KIAA0319L: variants seen among roughly 807,000 people sequenced by gnomAD.
KIAA0319L encodes the protein dyslexia-associated protein KIAA0319-like protein.
KIAA0319L carries 55 observed loss-of-function variants against 120.1 expected under a neutral mutation model. The observed-to-expected ratio is 0.46, with a 90% CI of 0.37 to 0.57. The LOEUF (loss-of-function observed/expected upper bound fraction) is 0.57, where lower values mean the gene tolerates loss of function less well. Ranked by LOEUF, KIAA0319L falls within the 20% of genes least tolerant of loss-of-function variation. The pLI is 0.00. For missense variants in KIAA0319L, 1,049 were observed against 1,255.3 expected, an observed-to-expected ratio of 0.84 and a Z score of 2.48; for synonymous variants, 398 against 471.9, an observed-to-expected ratio of 0.84 and a Z score of 2.03.
At chr1:35,542,158 T>C (rs1243883863) in intron 2 of KIAA0319L, among the ~76,000 whole-genome samples, 1 of 152,232 alleles carries the variant, frequency 6.6e-6, no homozygotes, top group Admixed American at 6.5e-5. Flanking sequence ...ATTAAACTTT[T>C]ACGTTATTGC....
chr1:35,510,076 C>CT (rs1478961027), intron 2 of KIAA0319L: 1 of 152,202 alleles, frequency 6.6e-6, no homozygotes, highest in East Asian at 1.9e-4. Context: ...AGATGCGGTG[C>CT]TATAAATGAA....
chr1:35,499,560 C>G (rs1375586620), intron 3 of KIAA0319L, among the ~76,000 whole-genome samples: 4 of 152,086 alleles, frequency 2.6e-5, no homozygotes, highest in African/African-American at 9.7e-5. Flanking sequence ...ATTGTTACAG[C>G]AGCCTCAATG....
At chr1:35,469,396 CAT>C (rs1341679167) in intron 6 of KIAA0319L, among the ~76,000 whole-genome samples, 4 of 152,346 alleles carry the variant, frequency 2.6e-5, no homozygotes, top group African/African-American at 7.2e-5. Flanking sequence ...AAGATCTAAA[CAT>C]GTGTTTCTCT....
intron 16 of KIAA0319L, among the ~76,000 whole-genome samples, chr1:35,445,349 G>A (rs1300214433): frequency 6.6e-6 from 1 of 152,188 alleles, no homozygotes; most frequent in Non-Finnish European, 1.5e-5. Context: ...AGGATGTGTG[G>A]TCCGTTGCCC....
intron 3 of KIAA0319L, among the ~76,000 whole-genome samples, chr1:35,497,244 A>G (rs1644845112): frequency 6.6e-6 from 1 of 152,140 alleles, no homozygotes; most frequent in Admixed American, 6.5e-5. Context: ...AGACAAAAAA[A>G]AAAAAGATGA....
rs1291162092 is a variant in KIAA0319L at position 35,526,372 on chromosome 1, CAT to C, written c.143-19239_143-19238del. Among the ~76,000 whole-genome samples, 101 of 128,226 alleles carry C rather than the reference CAT, an allele frequency of 7.9e-4. 1 individual carries two copies. The highest frequency in any genetic ancestry group is 1.8e-3 in the African/African-American group (56 of 31,954). 84.1% of individuals were successfully genotyped at this position (128,226 alleles called of 152,430 possible). On this transcript the variant is annotated intron_variant, in intron 2 of 20. Transcript: ENST00000325722. Reference sequence around the variant, plus strand: ...GTGTGTGTGTGTATATATATACATACATATATATATACATACATATATATATA... The same window carrying C: ...GTGTGTGTGTGTATATATATACATACATATATATACATACATATATATATA...
intron 2 of KIAA0319L, among the ~76,000 whole-genome samples, chr1:35,551,457 A>G (rs1647196455): frequency 6.6e-6 from 1 of 152,084 alleles, no homozygotes; most frequent in African/African-American, 2.4e-5. Flanking sequence ...AGGTGGGATT[A>G]CATGTGCATG....
At chr1:35,483,809 T>C (rs1644264553) in intron 3 of KIAA0319L, among the ~76,000 whole-genome samples, 1 of 152,240 alleles carries the variant, frequency 6.6e-6, no homozygotes, top group Non-Finnish European at 1.5e-5. Context: ...CTCACAGTTC[T>C]GGAGGCCAGA....
chr1:35,467,710 A>T (rs796425794), intron 6 of KIAA0319L, among the ~76,000 whole-genome samples: 3 of 150,060 alleles, frequency 2.0e-5, no homozygotes, highest in African/African-American at 7.3e-5. Flanking sequence ...TTTTTTTGAG[A>T]CAGAATCTCA....
Position 35,444,146 on chromosome 1 carries a change from C to A in KIAA0319L, c.2656+15G>T. On this transcript the variant is annotated intron_variant, in intron 17 of 20. Transcript: ENST00000325722. ...CTAGGTAGGCTCTTGCTCCCAAATTCCCAGAATTACTCACTGACAGTGTTG... is the reference window on the plus strand; with the variant it reads ...CTAGGTAGGCTCTTGCTCCCAAATTACCAGAATTACTCACTGACAGTGTTG... 6.3e-7 allele frequency: 1 copy of A among 1,576,986 alleles called. No homozygotes were observed.
chr1:35,442,472 TG>T, intron 18 of KIAA0319L, 136 bp from the exon 19 acceptor site: 1 of 709,924 alleles, frequency 1.4e-6, no homozygotes, highest in East Asian at 2.5e-5. Context: ...GGTAAGACCT[TG>T]GAGTTAAGGG....
At chr1:35,508,145 T>C (rs533530628) in intron 2 of KIAA0319L, among the ~76,000 whole-genome samples, 1 of 152,312 alleles carries the variant, frequency 6.6e-6, no homozygotes, top group Admixed American at 6.5e-5. Flanking sequence ...GCACAAAATT[T>C]AAGGAGGTGC....
At chr1:35,493,047 A>G (rs549292776) in intron 3 of KIAA0319L, among the ~76,000 whole-genome samples, 11 of 152,326 alleles carry the variant, frequency 7.2e-5, no homozygotes, top group African/African-American at 2.6e-4. Flanking sequence ...AGCCAGGGCA[A>G]TAAGGCAAGA....
chr1:35,458,253 A>G (rs562333381), intron 9 of KIAA0319L, among the ~76,000 whole-genome samples: 5 of 152,208 alleles, frequency 3.3e-5, no homozygotes, highest in African/African-American at 4.8e-5. Context: ...TGTTTTTAAC[A>G]TATGCCATTT....
chr1:35,532,220 G>A (rs1265148900), intron 2 of KIAA0319L, among the ~76,000 whole-genome samples: 7 of 149,280 alleles, frequency 4.7e-5, no homozygotes, highest in African/African-American at 1.5e-4. Flanking sequence ...CAGCCTGGGC[G>A]ACAGAGTGAG....
At chr1:35,482,645 T>A (rs1644224186) in intron 3 of KIAA0319L, among the ~76,000 whole-genome samples, 1 of 152,116 alleles carries the variant, frequency 6.6e-6, no homozygotes, top group Admixed American at 6.6e-5. Flanking sequence ...GTCAGGCTGG[T>A]CTTGAACTCC....
intron 3 of KIAA0319L, among the ~76,000 whole-genome samples, chr1:35,480,930 T>C (rs1368475345): frequency 2.0e-5 from 3 of 152,194 alleles, no homozygotes; most frequent in African/African-American, 7.2e-5. Flanking sequence ...CCAAAATTCA[T>C]TCATGCCCCT....
chr1:35,485,562 T>C (rs753719564), intron 3 of KIAA0319L, among the ~76,000 whole-genome samples: 11 of 152,238 alleles, frequency 7.2e-5, no homozygotes, highest in Non-Finnish European at 1.3e-4. Flanking sequence ...GCCAGAGATA[T>C]GTGGAGAGCT....
At chr1:35,455,756 T>G (rs1423859925) in intron 10 of KIAA0319L, among the ~76,000 whole-genome samples, 2 of 151,886 alleles carry the variant, frequency 1.3e-5, no homozygotes, top group Non-Finnish European at 2.9e-5. Context: ...AATTTTTTTA[T>G]CTTTAGTAGA....
Sources: gnomAD v4.1 joint callset for allele counts (sites outside exome capture counted in the v4.1 genomes callset) on GRCh38, gnomAD v4.1.1 for gene constraint, MANE v1.5 for transcripts, NCBI Gene and HGNC (gene_info 2026-07-23, HGNC 2026-07-21) for gene names.